ST6GAL1: variants seen among roughly 807,000 people sequenced by gnomAD.
The protein encoded by ST6GAL1 is beta-galactoside alpha-2,6-sialyltransferase 1.
Under a neutral mutation model 38.0 loss-of-function variants are expected in ST6GAL1, and 20 were observed. That is an observed-to-expected ratio of 0.53 (90% confidence interval 0.37 to 0.77). ST6GAL1 has a LOEUF of 0.77. Ranked by LOEUF, ST6GAL1 falls within the 30% of genes least tolerant of loss-of-function variation. The pLI, the probability that ST6GAL1 is intolerant of heterozygous loss-of-function variation, is 0.00. For missense variants in ST6GAL1, 432 were observed against 496.4 expected, an observed-to-expected ratio of 0.87 and a Z score of 1.23; for synonymous variants, 196 against 188.2, an observed-to-expected ratio of 1.04 and a Z score of -0.34.
At chr3:187,062,076 G>A (rs4012249) in intron 5 of ST6GAL1, among the ~76,000 whole-genome samples, 78,008 of 151,980 alleles carry the variant, frequency 0.51, 21,126 homozygotes, top group African/African-American at 0.7. Flanking sequence ...TTGAATGGAC[G>A]TTTCTCCAAG....
At chr3:187,053,974 T>C (rs561590536) in intron 5 of ST6GAL1, among the ~76,000 whole-genome samples, 1 of 152,328 alleles carries the variant, frequency 6.6e-6, no homozygotes, top group East Asian at 1.9e-4. Context: ...TTTTATTTTG[T>C]TGAGCAGTGG....
intron 2 of ST6GAL1, among the ~76,000 whole-genome samples, chr3:187,007,519 A>C (rs1342941685): frequency 2.6e-5 from 4 of 152,246 alleles, no homozygotes; most frequent in African/African-American, 7.2e-5. Flanking sequence ...GTGAGACAGT[A>C]CTTTCAGTCT....
chr3:187,071,325 A>G (rs1719362599), intron 5 of ST6GAL1, among the ~76,000 whole-genome samples: 1 of 152,196 alleles, frequency 6.6e-6, no homozygotes, highest in Non-Finnish European at 1.5e-5. Context: ...TAAGAGGGAC[A>G]TGGCTCCCTT....
intron 2 of ST6GAL1, chr3:186,964,298 C>A (rs903902735): frequency 6.6e-6 from 1 of 152,206 alleles, no homozygotes; most frequent in South Asian, 2.1e-4. Flanking sequence ...CACACACACA[C>A]GCGCGTGCCA....
At chr3:187,064,680 A>G (rs1719035883) in intron 5 of ST6GAL1, 2 of 453,616 alleles carry the variant, frequency 4.4e-6, no homozygotes, top group Non-Finnish European at 4.4e-6. Context: ...TTCCTTTCGT[A>G]CTCGAGTCCT....
At chr3:187,011,725 T>A (rs538468548) in intron 2 of ST6GAL1, among the ~76,000 whole-genome samples, 1 of 152,334 alleles carries the variant, frequency 6.6e-6, no homozygotes, top group South Asian at 2.1e-4. Flanking sequence ...CCTTTTAACT[T>A]TTTTACCTAT....
chr3:186,943,882 C>A (rs924401657), intron 1 of ST6GAL1, among the ~76,000 whole-genome samples: 1 of 152,254 alleles, frequency 6.6e-6, no homozygotes, highest in African/African-American at 2.4e-5. Flanking sequence ...CATGTCTCAG[C>A]CTCCACTTCA....
chr3:186,990,667 T>C (rs939532062), intron 2 of ST6GAL1, among the ~76,000 whole-genome samples: 1 of 140,058 alleles, frequency 7.1e-6, no homozygotes, highest in African/African-American at 2.6e-5. Context: ...TTTTTTTTTT[T>C]GATTTCCTCT....
rs1433247275 is a variant in ST6GAL1 at position 187,042,658 on chromosome 3, G to T, written c.-46G>T. ...TCCTTGTCTCACTTTTTTTAGGCTT[G>T]TTTTCCTGCTCAGAACAAAGTGACT... On this transcript the variant is annotated 5_prime_UTR_variant, in exon 4 of 8. Transcript: ENST00000169298. 3.3e-6 allele frequency: 5 copies of T among 1,538,118 alleles called. No individual in the cohort carries two copies. Among genetic ancestry groups the T allele is most frequent in the African/African-American group, 1.4e-5 (1 of 72,010 alleles).
intron 5 of ST6GAL1, among the ~76,000 whole-genome samples, chr3:187,066,601 C>CGTGTGCGTGTGT (rs1553836654): frequency 1.3e-5 from 2 of 148,730 alleles, no homozygotes; most frequent in Non-Finnish European, 3.0e-5. Flanking sequence ...TGCGTGCGTG[C>CGTGTGCGTGTGT]GTGTGTGTGT....
chr3:186,948,857 C>T (rs569908675), intron 1 of ST6GAL1: 2 of 152,630 alleles, frequency 1.3e-5, no homozygotes, highest in South Asian at 4.1e-4. Flanking sequence ...CTGCACAGCC[C>T]TGGGCCCAGT....
At chr3:187,038,164 C>G (rs1717995479) in intron 2 of ST6GAL1, among the ~76,000 whole-genome samples, 1 of 147,974 alleles carries the variant, frequency 6.8e-6, no homozygotes, top group Non-Finnish European at 1.5e-5. Context: ...CTTTAGCTTT[C>G]TAGCCCATTC....
At chr3:186,972,351 T>C (rs1579283849) in intron 2 of ST6GAL1, among the ~76,000 whole-genome samples, 1 of 151,830 alleles carries the variant, frequency 6.6e-6, no homozygotes, top group African/African-American at 2.4e-5. Flanking sequence ...CGGGTTCAAG[T>C]GATTCTCATG....
intron 1 of ST6GAL1, among the ~76,000 whole-genome samples, chr3:186,947,641 A>G (rs1714421858): frequency 6.6e-6 from 1 of 152,238 alleles, no homozygotes; most frequent in Non-Finnish European, 1.5e-5. Flanking sequence ...TTAGGTAAAT[A>G]TAAGAGCCTA....
At chr3:186,935,503 C>A (rs1204958756) in intron 1 of ST6GAL1, among the ~76,000 whole-genome samples, 1 of 152,100 alleles carries the variant, frequency 6.6e-6, no homozygotes, top group African/African-American at 2.4e-5. Context: ...ATTTATATTC[C>A]TTCGGGTATT....
intron 1 of ST6GAL1, among the ~76,000 whole-genome samples, chr3:186,959,125 G>A (rs1453606296): frequency 6.6e-6 from 1 of 152,168 alleles, no homozygotes; most frequent in East Asian, 1.9e-4. Flanking sequence ...AAATAAATGT[G>A]CAGAGGTACC....
At chr3:186,984,560 C>G (rs980211047) in intron 2 of ST6GAL1, among the ~76,000 whole-genome samples, 1 of 152,080 alleles carries the variant, frequency 6.6e-6, no homozygotes, top group East Asian at 1.9e-4. Context: ...TGAGCCTTGC[C>G]GCAAACACGC....
chr3:187,010,955 C>T (rs950265314), intron 2 of ST6GAL1, among the ~76,000 whole-genome samples: 1 of 152,260 alleles, frequency 6.6e-6, no homozygotes, highest in African/African-American at 2.4e-5. Context: ...AAAATCTAGC[C>T]CCTTCTTCGG....
In ST6GAL1 at chr3:186,952,864, T is replaced by C. The variant is rs961944869; in HGVS notation, c.-324-10921T>C. Among the ~76,000 whole-genome samples the C allele has an allele frequency of 4.6e-5, 7 of 152,190 alleles. No individual in the cohort carries two copies. The highest frequency in any genetic ancestry group is 8.8e-5 in the Non-Finnish European group (6 of 68,014). On this transcript the variant is annotated intron_variant, in intron 1 of 7. Transcript: ENST00000169298. This position sits in a 1 kb window ranked among gnomAD's most constrained non-coding sequence, Gnocchi z 4.1. ...ACAAGCCCAAAATCGAACTGCTGCT[T>C]TTCTCCCTAAAAGAGCCATCCTCAT...
Sources: allele counts gnomAD v4.1 joint callset (sites outside exome capture counted in the v4.1 genomes callset), GRCh38; gene constraint gnomAD v4.1.1; non-coding constraint Gnocchi (gnomAD v3.1); transcripts MANE v1.5; gene names NCBI Gene and HGNC (gene_info 2026-07-23, HGNC 2026-07-21).